The following CAB39L variants were observed in gnomAD, a reference collection of about 807,000 sequenced individuals.
CAB39L encodes the protein calcium binding protein 39 like.
A neutral mutation model predicts 39.1 loss-of-function variants in CAB39L; 23 were observed. The observed-to-expected ratio is 0.59, with a 90% CI of 0.42 to 0.83. The LOEUF is 0.83. CAB39L is among the 40% of genes least tolerant of loss of function. The pLI is 0.00. For synonymous variants in CAB39L, 126 were observed against 137.2 expected, an observed-to-expected ratio of 0.92 and a Z score of 0.57; for missense variants, 366 against 391.9, an observed-to-expected ratio of 0.93 and a Z score of 0.56.
chr13:49,368,627 G>T (rs1955832748), intron 5 of CAB39L, among the ~76,000 whole-genome samples: 1 of 152,124 alleles, frequency 6.6e-6, no homozygotes, highest in Admixed American at 6.5e-5. Context: ...AAATTAGCTG[G>T]CAATTCTAAG....
At chr13:49,311,604 A>C (rs1953990565) in intron 10 of CAB39L, among the ~76,000 whole-genome samples, 1 of 152,154 alleles carries the variant, frequency 6.6e-6, no homozygotes, top group Non-Finnish European at 1.5e-5. Context: ...CAAGATGTGG[A>C]GGTGGAAGCA....
intron 9 of CAB39L, among the ~76,000 whole-genome samples, chr13:49,337,732 GCACACACA>G (rs57089737): frequency 0.18 from 26,651 of 144,168 alleles, 2,521 homozygotes; most frequent in African/African-American, 0.24. Flanking sequence ...CTGCTCTGGC[GCACACACA>G]CACACACACA....
Position 49,309,740 on chromosome 13 carries a change from G to GA in CAB39L, c.*1073dup, listed in dbSNP as rs943761074. ...TTTCTATGTGTTCACTAAAGACTGT[G>GA]ATGGGCAATTATAGAATGACAGCTT... On this transcript the variant is annotated 3_prime_UTR_variant, in exon 11 of 11. Transcript: ENST00000409308. 1.3e-5 allele frequency: 2 copies of GA among 152,160 alleles called. No individual in the cohort carries two copies. Among genetic ancestry groups the GA allele is most frequent in the Admixed American group, 6.5e-5 (1 of 15,278 alleles). The allele number at this position is 152,160 out of a possible 1,614,324, so 9.4% of individuals were successfully genotyped here.
intron 4 of CAB39L, among the ~76,000 whole-genome samples, chr13:49,377,601 C>T (rs1380869591): frequency 1.1e-5 from 1 of 88,010 alleles, no homozygotes; most frequent in Non-Finnish European, 2.3e-5. Context: ...CTGTGTTGGC[C>T]GGGCAGGTCT....
intron 10 of CAB39L, among the ~76,000 whole-genome samples, chr13:49,323,853 TTC>T (rs1954424454): frequency 6.6e-6 from 1 of 152,210 alleles, no homozygotes; most frequent in South Asian, 2.1e-4. Flanking sequence ...CCCCATTAAA[TTC>T]TGTTTCAGAT....
chr13:49,331,349 C>T (rs1954688186), intron 10 of CAB39L, among the ~76,000 whole-genome samples: 1 of 151,884 alleles, frequency 6.6e-6, no homozygotes. Flanking sequence ...ACCTGCAGTC[C>T]CAGCTACTCA....
At chr13:49,322,903 T>C (rs1263555747) in intron 10 of CAB39L, among the ~76,000 whole-genome samples, 2 of 152,220 alleles carry the variant, frequency 1.3e-5, no homozygotes, top group Admixed American at 6.5e-5. Flanking sequence ...CCGCAGCCTA[T>C]TGAGATAGCT....
chr13:49,432,237 C>CATGGCTCACTGCAGGACCA (rs1440239528), intron 3 of CAB39L, among the ~76,000 whole-genome samples: 1 of 152,090 alleles, frequency 6.6e-6, no homozygotes, highest in Non-Finnish European at 1.5e-5. Flanking sequence ...TCACTGCAGC[C>CATGGCTCACTGCAGGACCA]TTGACCCCCA....
At chr13:49,365,736 G>A (rs1300260994) in intron 5 of CAB39L, among the ~76,000 whole-genome samples, 2 of 152,118 alleles carry the variant, frequency 1.3e-5, no homozygotes, top group Non-Finnish European at 2.9e-5. Context: ...GAATAATTTG[G>A]AGGTTCCTCA....
chr13:49,408,919 C>A (rs9568196), intron 3 of CAB39L, among the ~76,000 whole-genome samples: 105,934 of 151,982 alleles, frequency 0.7, 37,306 homozygotes, highest in Middle Eastern at 0.86. Flanking sequence ...ACCAAAAAAA[C>A]CCAGACCTTC....
chr13:49,327,823 C>G (rs2138376763), intron 10 of CAB39L, among the ~76,000 whole-genome samples: 1 of 152,332 alleles, frequency 6.6e-6, no homozygotes, highest in South Asian at 2.1e-4. Flanking sequence ...TTTTCCCAGT[C>G]TCCCACTGGT....
chr13:49,406,993 A>G (rs572001221), intron 3 of CAB39L, among the ~76,000 whole-genome samples: 1 of 152,366 alleles, frequency 6.6e-6, no homozygotes, highest in Non-Finnish European at 1.5e-5. Flanking sequence ...ACGTGTTATA[A>G]AAACAAAACT....
Position 49,436,534 on chromosome 13 carries a change from T to C in CAB39L, c.-245-2311A>G, listed in dbSNP as rs186663438. ...TTTCTTATGTACCTTGGAATTTAGC[T>C]TCATTTCTTTCTTTATGACTTTTTT... is the stretch of plus-strand genomic sequence containing the variant. On this transcript the variant is annotated intron_variant, in intron 1 of 10. Coordinates refer to ENST00000409308, the MANE Select transcript of CAB39L (RefSeq NM_001079670.3). 7.6e-3 allele frequency among the ~76,000 whole-genome samples: 1,140 copies of C among 150,654 alleles called. 10 individuals carry two copies. Among genetic ancestry groups the C allele is most frequent in the South Asian group, 0.02 (98 of 4,798 alleles).
chr13:49,356,438 A>T (rs918288811), intron 6 of CAB39L, among the ~76,000 whole-genome samples: 2 of 152,192 alleles, frequency 1.3e-5, no homozygotes, highest in Non-Finnish European at 2.9e-5. Flanking sequence ...CCTGAGCCAG[A>T]AGACAAATTC....
At chr13:49,400,443 AACACAC>A (rs60080189) in intron 3 of CAB39L, among the ~76,000 whole-genome samples, 18,238 of 138,546 alleles carry the variant, frequency 0.13, 1,334 homozygotes, top group Middle Eastern at 0.21. Flanking sequence ...TACAAACACA[AACACAC>A]ACACACACAC....
intron 3 of CAB39L, among the ~76,000 whole-genome samples, chr13:49,408,920 C>A (rs1956936474): frequency 6.6e-6 from 1 of 151,918 alleles, no homozygotes; most frequent in East Asian, 1.9e-4. Flanking sequence ...CCAAAAAAAC[C>A]CAGACCTTCA....
intron 10 of CAB39L, among the ~76,000 whole-genome samples, chr13:49,321,534 T>C (rs1426053815): frequency 6.6e-6 from 1 of 152,196 alleles, no homozygotes; most frequent in African/African-American, 2.4e-5. Flanking sequence ...CCCTGACCAC[T>C]AGGCTGTGTG....
rs562520554 is a variant in CAB39L, at chr13:49,336,489, T to C, written c.690+3188A>G. Reference sequence around the variant, plus strand: ...ATTAATGAAAAACAGGAAAGATGCCTCGTGAATAGGCTAAGGCATCTGCAA... The same window carrying C: ...ATTAATGAAAAACAGGAAAGATGCCCCGTGAATAGGCTAAGGCATCTGCAA... On this transcript the variant is annotated intron_variant, in intron 9 of 10. Coordinates refer to ENST00000409308, the MANE Select transcript of CAB39L (RefSeq NM_001079670.3). Among the ~76,000 whole-genome samples, 12 of 152,318 alleles carry C rather than the reference T, an allele frequency of 7.9e-5. No homozygotes were observed. In the South Asian group the frequency reaches 2.5e-3, roughly 32 times the overall value.
intron 5 of CAB39L, among the ~76,000 whole-genome samples, chr13:49,374,713 C>T (rs751005323): frequency 6.6e-5 from 10 of 152,174 alleles, no homozygotes; most frequent in African/African-American, 9.7e-5. Flanking sequence ...TCTTGGAAAG[C>T]ACTTTGAACC....
Sources: gnomAD v4.1 joint callset for allele counts (sites outside exome capture counted in the v4.1 genomes callset) on GRCh38, gnomAD v4.1.1 for gene constraint, MANE v1.5 for transcripts, NCBI Gene and HGNC (gene_info 2026-07-23, HGNC 2026-07-21) for gene names.